ARHGEF11: variants seen among roughly 807,000 people sequenced by gnomAD.
ARHGEF11 encodes Rho guanine nucleotide exchange factor 11.
Under a neutral mutation model 193.7 loss-of-function variants are expected in ARHGEF11, and 55 were observed. The observed-to-expected ratio is 0.28, with a 90% CI of 0.23 to 0.36. ARHGEF11 has a LOEUF of 0.36. Ranked by LOEUF, ARHGEF11 falls within the 10% of genes least tolerant of loss-of-function variation. The pLI, the probability that ARHGEF11 is intolerant of heterozygous loss-of-function variation, is 1.00. For missense variants in ARHGEF11, 1,723 were observed against 2,005.6 expected (o/e 0.86, Z 2.69); for synonymous variants, 693 against 768.0 (o/e 0.90, Z 1.62).
At chr1:156,961,517 A>G (rs1660848235) in intron 14 of ARHGEF11, among the ~76,000 whole-genome samples, 160 bp downstream of exon 14, 1 of 152,150 alleles carries the variant, frequency 6.6e-6, no homozygotes, top group Admixed American at 6.5e-5. Context: ...ATTTTTTGAG[A>G]GTGGCGCTAG....
chr1:157,013,837 T>C (rs1668865554), intron 1 of ARHGEF11, among the ~76,000 whole-genome samples: 1 of 152,206 alleles, frequency 6.6e-6, no homozygotes, highest in Non-Finnish European at 1.5e-5. Context: ...GGTATCAACG[T>C]CCTCTCAGCT....
intron 3 of ARHGEF11, 143 bp downstream of exon 3, chr1:156,984,196 G>A (rs1664598913): frequency 6.8e-6 from 4 of 584,916 alleles, no homozygotes; most frequent in Middle Eastern, 4.7e-4. Flanking sequence ...GCATTGAAGA[G>A]GCTTCCCCAC....
chr1:156,964,775 A>C (rs1469554527), intron 11 of ARHGEF11, among the ~76,000 whole-genome samples: 2 of 152,172 alleles, frequency 1.3e-5, no homozygotes, highest in Non-Finnish European at 2.9e-5. Context: ...CATCCTGAGT[A>C]TCCTCCTCTC....
intron 1 of ARHGEF11, among the ~76,000 whole-genome samples, chr1:157,031,235 C>T (rs78361023): frequency 0.013 from 1,941 of 152,190 alleles, 39 homozygotes; most frequent in African/African-American, 0.044. Context: ...ATAGGCCACA[C>T]CAACAAATGG....
chr1:156,986,138 G>T lies in ARHGEF11; in HGVS notation c.68C>A (p.Pro23Gln), dbSNP rs1664886962. The change falls in exon 2 of 41, where the codon CCA (proline) becomes CAA (glutamine). Residue 23 changes from proline to glutamine, a missense_variant. Around this residue, in one of 5 missense-constraint regions of ARHGEF11, gnomAD observed 646 missense variants for 710.7 expected, o/e 0.91. Coordinates refer to ENST00000368194, the MANE Select transcript of ARHGEF11 (RefSeq NM_198236.3). ...SSLSSLGDSA[P>Q]ERKSPSHHRQ... ...ATGGTGGGAAGGGGACTTGCGCTCT[G>T]GTGCAGAATCTCCCAGAGAAGACAG... 6.2e-7 allele frequency: 1 copy of T among 1,613,806 alleles called. No homozygotes were observed.
chr1:156,937,534 C>G (rs762733579), intron 38 of ARHGEF11, 38 bp from the exon 39 acceptor site: 3 of 1,502,540 alleles, frequency 2.0e-6, no homozygotes, highest in Non-Finnish European at 2.7e-6. Flanking sequence ...AGGAGGCAAA[C>G]AGAGAAGTCG....
In ARHGEF11 at chr1:156,940,231, G is replaced by A; in HGVS notation, c.3709C>T (p.Leu1237Phe). 6.3e-7 allele frequency: 1 copy of A among 1,596,266 alleles called. No individual in the cohort carries two copies. Among genetic ancestry groups the A allele is most frequent in the Non-Finnish European group, 8.6e-7 (1 of 1,168,296 alleles). ...CCATCTTCCAGAGCGGAGTCAGCGA[G>A]CCCTTCCATGAACAGAGGGCCTGGG... ...AFPGPLFMEG[L>F]ADSALEDVEN... Residue 1237 changes from leucine (L) to phenylalanine (F), a missense_variant, in exon 36 of 41, where the codon CTC (leucine) becomes TTC (phenylalanine). Physicochemically the swap from Leu to Phe is conservative, Grantham distance 22 (BLOSUM62 0). Around this residue, in one of 5 missense-constraint regions of ARHGEF11, gnomAD observed 203 missense variants for 237.3 expected, o/e 0.86. Transcript: ENST00000368194.
At chr1:157,041,926 A>G (rs1296894754) in intron 1 of ARHGEF11, among the ~76,000 whole-genome samples, 1 of 152,218 alleles carries the variant, frequency 6.6e-6, no homozygotes, top group Non-Finnish European at 1.5e-5. Context: ...TAGGCTCTCT[A>G]CACAGCAAAC....
intron 1 of ARHGEF11, among the ~76,000 whole-genome samples, chr1:156,997,627 T>G (rs1666708471): frequency 6.6e-6 from 1 of 152,132 alleles, no homozygotes; most frequent in African/African-American, 2.4e-5. Context: ...GGGAGTACCC[T>G]CTAGCCCTGC....
intron 11 of ARHGEF11, among the ~76,000 whole-genome samples, chr1:156,964,312 T>C (rs1319149909): frequency 6.6e-6 from 1 of 152,262 alleles, no homozygotes; most frequent in Non-Finnish European, 1.5e-5. Context: ...AGACTTCATA[T>C]TGCATAAACT....
At chr1:157,046,352 A>T, upstream of ARHGEF11, among the ~76,000 whole-genome samples, 1 of 151,386 alleles carries the variant, frequency 6.6e-6, no homozygotes, top group East Asian at 2.0e-4. Context: ...CCGCCCAGCC[A>T]CCGTGCCCGC....
chr1:156,971,432 T>C (rs1662467857), intron 8 of ARHGEF11, among the ~76,000 whole-genome samples: 1 of 152,226 alleles, frequency 6.6e-6, no homozygotes, highest in Non-Finnish European at 1.5e-5. Context: ...TGACAATCTG[T>C]TTATTTCATA....
At position 156,938,406 on chromosome 1, in the gene ARHGEF11, G is replaced by C. The variant is rs752601763; in HGVS notation, c.4192+12C>G. On this transcript the variant is annotated intron_variant, in intron 38 of 40. Transcript: ENST00000368194. Reference sequence around the variant, plus strand: ...CTTGGCCTGTCTTTAGCTCCAAGGAGAAAGTTATTACCCGTAGCCTTTGTT... The same window carrying C: ...CTTGGCCTGTCTTTAGCTCCAAGGACAAAGTTATTACCCGTAGCCTTTGTT... 4 of 1,611,248 alleles carry C rather than the reference G, an allele frequency of 2.5e-6. 1 individual carries two copies. The highest frequency in any genetic ancestry group is 1.1e-5 in the South Asian group (1 of 90,810).
At position 157,012,797 on chromosome 1, in the gene ARHGEF11, G is replaced by A. The variant is rs150165652; in HGVS notation, c.33-26624C>T. Among the ~76,000 whole-genome samples the A allele has an allele frequency of 1.8e-4, 28 of 152,322 alleles. No homozygotes were observed. The East Asian group carries it at 5.2e-3, about 28-fold the overall frequency. The stretch of plus-strand genomic sequence containing the variant: ...TGAAAAACATTTAGAACAGTGCTTG[G>A]TGTGTAGTAGATGCTATATAAGTTT... On this transcript the variant is annotated intron_variant, in intron 1 of 40. Coordinates refer to ENST00000368194, the MANE Select transcript of ARHGEF11 (RefSeq NM_198236.3).
At chr1:157,012,951 C>T (rs935938852) in intron 1 of ARHGEF11, among the ~76,000 whole-genome samples, 2 of 152,246 alleles carry the variant, frequency 1.3e-5, no homozygotes, top group Admixed American at 1.3e-4. Flanking sequence ...AGGGCACAAG[C>T]CAGATTTCCC....
intron 1 of ARHGEF11, among the ~76,000 whole-genome samples, chr1:157,032,513 T>TTTTA (rs1312807036): frequency 6.6e-6 from 1 of 152,188 alleles, no homozygotes; most frequent in African/African-American, 2.4e-5. Context: ...CAGACCTGTA[T>TTTTA]TTTAACAAGC....
intron 8 of ARHGEF11, 75 bp from the exon 9 acceptor site, chr1:156,970,118 G>T: frequency 1.5e-6 from 2 of 1,330,654 alleles, no homozygotes; most frequent in Non-Finnish European, 2.1e-6. Context: ...ACCAATCAGT[G>T]CCTTATTTGC....
intron 1 of ARHGEF11, among the ~76,000 whole-genome samples, chr1:157,002,913 G>C (rs1468687983): frequency 6.6e-6 from 1 of 152,180 alleles, no homozygotes; most frequent in South Asian, 2.1e-4. Context: ...TCTTGCCTCA[G>C]ACTACTCATC....
rs758878976 is a variant in ARHGEF11 at position 156,936,932 on chromosome 1, C to A, written c.4514G>T (p.Gly1505Val). 3.7e-6 allele frequency: 6 copies of A among 1,613,968 alleles called. No homozygotes were observed. The African/African-American group carries it at 5.3e-5, about 14-fold the overall frequency. The change falls in exon 40 of 41, where the codon GGC becomes GTC. Residue 1505 changes from glycine to valine, a missense_variant. Physicochemically the swap from Gly to Val is moderately radical, Grantham distance 109. This residue lies in a region of ARHGEF11 where 360 missense variants were observed against 344.4 expected (regional missense o/e 1.05). Coordinates refer to ENST00000368194, the MANE Select transcript of ARHGEF11 (RefSeq NM_198236.3). ...GESSGGTTPV[G>V]SFHTEAARWT... ...TCTAGCTGCTTCTGTGTGGAAACTG[C>A]CCACAGGCGTGGTGCCACCAGATGA...
Sources: gnomAD v4.1 joint callset for allele counts (sites outside exome capture counted in the v4.1 genomes callset) on GRCh38, gnomAD v4.1.1 for gene constraint, gnomAD v4.1.1 regional missense constraint, MANE v1.5 for transcripts, NCBI Gene and HGNC (gene_info 2026-07-23, HGNC 2026-07-21) for gene names.